PRDM5: variants seen among roughly 807,000 people sequenced by gnomAD.
The protein encoded by PRDM5 is PR domain zinc finger protein 5.
PRDM5 carries 56 observed loss-of-function variants against 81.2 expected under a neutral mutation model. The observed-to-expected ratio is 0.69, with a 90% CI of 0.56 to 0.86. PRDM5 has a LOEUF of 0.86. Ranked by LOEUF, PRDM5 falls within the 40% of genes least tolerant of loss-of-function variation. PRDM5 has a pLI of 0.00. For synonymous variants in PRDM5, 267 were observed against 256.4 expected, an observed-to-expected ratio of 1.04 and a Z score of -0.39; for missense variants, 697 against 770.1, an observed-to-expected ratio of 0.91 and a Z score of 1.12.
chr4:120,820,131 G>A (rs567763317), intron 4 of PRDM5, among the ~76,000 whole-genome samples: 82 of 152,340 alleles, frequency 5.4e-4, no homozygotes, highest in African/African-American at 1.9e-3. Flanking sequence ...CAATGGAATT[G>A]TATTAAGAGG....
chr4:120,818,686 A>T (rs1179901144), intron 4 of PRDM5, among the ~76,000 whole-genome samples, 159 bp from the exon 5 acceptor site: 1 of 152,176 alleles, frequency 6.6e-6, no homozygotes. Flanking sequence ...TTTGGCCACA[A>T]AAAAATAATA....
chr4:120,856,171 T>C (rs12501569), intron 2 of PRDM5, among the ~76,000 whole-genome samples: 5 of 152,080 alleles, frequency 3.3e-5, no homozygotes, highest in Non-Finnish European at 7.4e-5. Flanking sequence ...GCACTTCCTG[T>C]CTATCACTTT....
At chr4:120,771,037 A>G (rs982118328) in intron 13 of PRDM5, among the ~76,000 whole-genome samples, 2 of 152,010 alleles carry the variant, frequency 1.3e-5, no homozygotes, top group African/African-American at 4.8e-5. Flanking sequence ...ATTTCTTTTC[A>G]TGTTATTTAG....
intron 2 of PRDM5, among the ~76,000 whole-genome samples, chr4:120,901,979 G>C (rs1765276622): frequency 6.6e-6 from 1 of 152,226 alleles, no homozygotes. Flanking sequence ...GAGACCTTGT[G>C]ATCTTGGAGC....
chr4:120,846,016 G>A (rs1393557261), intron 3 of PRDM5, among the ~76,000 whole-genome samples: 1 of 152,194 alleles, frequency 6.6e-6, no homozygotes, highest in Non-Finnish European at 1.5e-5. Context: ...GATGTGAAGT[G>A]AGGCCTGAAG....
At chr4:120,773,500 A>G (rs1272855363) in intron 13 of PRDM5, among the ~76,000 whole-genome samples, 3 of 152,320 alleles carry the variant, frequency 2.0e-5, no homozygotes, top group East Asian at 1.9e-4. Flanking sequence ...TAGTGAGCCA[A>G]TATTTTCCAA....
At chr4:120,876,138 ACACT>A (rs1386008127) in intron 2 of PRDM5, among the ~76,000 whole-genome samples, 2 of 152,184 alleles carry the variant, frequency 1.3e-5, no homozygotes, top group Non-Finnish European at 2.9e-5. Context: ...AATGCACAAA[ACACT>A]CACACCTCAA....
intron 13 of PRDM5, among the ~76,000 whole-genome samples, chr4:120,758,905 G>C (rs540146299): frequency 6.6e-6 from 1 of 151,868 alleles, no homozygotes; most frequent in Non-Finnish European, 1.5e-5. Context: ...ACAGGTGCCC[G>C]CCACCACGCC....
intron 2 of PRDM5, among the ~76,000 whole-genome samples, chr4:120,892,209 TA>T (rs1199372034): frequency 6.6e-6 from 1 of 152,160 alleles, no homozygotes; most frequent in African/African-American, 2.4e-5. Flanking sequence ...TTTTCTTTTT[TA>T]ATTTGCTGAG....
At chr4:120,725,032 G>T (rs1486347638) in intron 14 of PRDM5, among the ~76,000 whole-genome samples, 2 of 152,194 alleles carry the variant, frequency 1.3e-5, no homozygotes, top group Non-Finnish European at 2.9e-5. Flanking sequence ...TCCTGGCAGA[G>T]ATCTTGCTAG....
intron 12 of PRDM5, among the ~76,000 whole-genome samples, chr4:120,779,151 A>G (rs1287005630): frequency 6.6e-6 from 1 of 152,172 alleles, no homozygotes; most frequent in Non-Finnish European, 1.5e-5. Flanking sequence ...TATTAGGGTT[A>G]TATTAATGAA....
At chr4:120,759,702 A>G (rs1745317825) in intron 13 of PRDM5, among the ~76,000 whole-genome samples, 2 of 152,246 alleles carry the variant, frequency 1.3e-5, no homozygotes, top group African/African-American at 2.4e-5. Flanking sequence ...CACAGTCAGT[A>G]CATGGGCTCT....
chr4:120,883,296 T>C (rs1763051943), intron 2 of PRDM5, among the ~76,000 whole-genome samples: 1 of 152,132 alleles, frequency 6.6e-6, no homozygotes. Flanking sequence ...TTTCGTTTAT[T>C]TTGCTAAATG....
At chr4:120,718,550 T>G (rs1415727706) in intron 14 of PRDM5, among the ~76,000 whole-genome samples, 1 of 152,210 alleles carries the variant, frequency 6.6e-6, no homozygotes, top group African/African-American at 2.4e-5. Context: ...ACATCATCAA[T>G]TTACACTTAG....
At chr4:120,754,004 A>G (rs1048503059) in intron 14 of PRDM5, among the ~76,000 whole-genome samples, 1 of 152,230 alleles carries the variant, frequency 6.6e-6, no homozygotes, top group Non-Finnish European at 1.5e-5. Context: ...ACAATAGTCC[A>G]GTGAGAGTGT....
Position 120,922,631 on chromosome 4 carries a change from G to A in PRDM5, c.-23C>T, listed in dbSNP as rs769041340. On this transcript the variant is annotated 5_prime_UTR_variant, in exon 1 of 16. Coordinates refer to ENST00000264808, the MANE Select transcript of PRDM5 (RefSeq NM_018699.4). Reference sequence around the variant, plus strand: ...CATTTTCCCGGGCGCGGCGGCCGCCGCCTCTCTCAACACCGGCGCTTAGCG... The same window carrying A: ...CATTTTCCCGGGCGCGGCGGCCGCCACCTCTCTCAACACCGGCGCTTAGCG... The A allele has an allele frequency of 2.5e-6, 4 of 1,579,822 alleles. No homozygotes were observed. The highest frequency in any genetic ancestry group is 1.2e-5 in the South Asian group (1 of 86,848).
chr4:120,900,558 C>A (rs1765122533), intron 2 of PRDM5, among the ~76,000 whole-genome samples: 1 of 152,052 alleles, frequency 6.6e-6, no homozygotes. Flanking sequence ...AACTAAGAAC[C>A]ATCACCAGTG....
chr4:120,743,905 G>C (rs1179898306), intron 14 of PRDM5, among the ~76,000 whole-genome samples: 2 of 151,348 alleles, frequency 1.3e-5, no homozygotes, highest in Non-Finnish European at 2.9e-5. Flanking sequence ...CCCAGGAATT[G>C]AACTCAGCTC....
At chr4:120,720,687 T>A (rs1367123270) in intron 14 of PRDM5, among the ~76,000 whole-genome samples, 1 of 152,338 alleles carries the variant, frequency 6.6e-6, no homozygotes, top group Admixed American at 6.5e-5. Context: ...TTTATAGCTT[T>A]TGTGGCTTTT....
Sources: allele counts gnomAD v4.1 joint callset (sites outside exome capture counted in the v4.1 genomes callset), GRCh38; gene constraint gnomAD v4.1.1; transcripts MANE v1.5; gene names NCBI Gene and HGNC (gene_info 2026-07-23, HGNC 2026-07-21).